LRMDA: variants seen among roughly 807,000 people sequenced by gnomAD.
The protein encoded by LRMDA is leucine rich melanocyte differentiation associated.
In LRMDA, 18 loss-of-function variants were observed where a neutral mutation model predicts 29.8. The observed-to-expected ratio is 0.60, with a 90% CI of 0.42 to 0.90. The LOEUF is 0.90. LRMDA is among the 40% of genes least tolerant of loss of function. LRMDA has a pLI of 0.00. For synonymous variants in LRMDA, 125 were observed against 109.4 expected (o/e 1.14, Z -0.89); for missense variants, 273 against 273.9 (o/e 1.00, Z 0.02).
intron 2 of LRMDA, among the ~76,000 whole-genome samples, chr10:75,897,103 C>T (rs907028626): frequency 6.6e-6 from 1 of 152,154 alleles, no homozygotes; most frequent in East Asian, 1.9e-4. Flanking sequence ...TTAGCAGACA[C>T]CCAGCCCTGT....
intron 2 of LRMDA, among the ~76,000 whole-genome samples, chr10:75,948,091 G>A (rs1227253569): frequency 6.6e-6 from 1 of 152,172 alleles, no homozygotes; most frequent in Non-Finnish European, 1.5e-5. Flanking sequence ...ATCCAGTAGA[G>A]ACCTCCCCAG....
chr10:76,407,218 T>C (rs184954073), intron 6 of LRMDA, among the ~76,000 whole-genome samples: 1 of 152,268 alleles, frequency 6.6e-6, no homozygotes, highest in East Asian at 1.9e-4. Context: ...ATACTCAAAG[T>C]TGCGGATATG....
intron 5 of LRMDA, among the ~76,000 whole-genome samples, chr10:76,064,341 C>T (rs141099294): frequency 9.1e-4 from 139 of 152,282 alleles, no homozygotes; most frequent in African/African-American, 3.2e-3. Context: ...GCGTTCTCCT[C>T]GTCACTCGGG....
intron 2 of LRMDA, among the ~76,000 whole-genome samples, chr10:75,833,019 C>T (rs1168111974): frequency 1.3e-5 from 2 of 152,160 alleles, no homozygotes; most frequent in Non-Finnish European, 2.9e-5. Context: ...AAGGTGATCA[C>T]ATATCATAGG....
intron 2 of LRMDA, among the ~76,000 whole-genome samples, chr10:75,565,412 C>T (rs926038944): frequency 6.6e-6 from 1 of 152,198 alleles, no homozygotes; most frequent in East Asian, 1.9e-4. Context: ...TGCTCTTGGC[C>T]TCTTAATTGG....
chr10:76,324,561 C>G, intron 6 of LRMDA, 76 bp downstream of exon 6: 1 of 1,305,358 alleles, frequency 7.7e-7, no homozygotes, highest in South Asian at 1.2e-5. Flanking sequence ...TGGCTCATTA[C>G]TGCTGCCTCG....
chr10:75,537,626 G>T (rs1356334768), intron 2 of LRMDA, among the ~76,000 whole-genome samples: 1 of 152,228 alleles, frequency 6.6e-6, no homozygotes, highest in Non-Finnish European at 1.5e-5. Context: ...GGACAAATGT[G>T]TAAGGGATTT....
chr10:75,616,295 A>AGTG (rs1345837082), intron 2 of LRMDA, among the ~76,000 whole-genome samples: 3 of 152,234 alleles, frequency 2.0e-5, no homozygotes, highest in Admixed American at 6.5e-5. Flanking sequence ...TAGTAGTAGT[A>AGTG]GTGGTGGTGG....
chr10:76,542,317 G>A (rs1021522229), intron 6 of LRMDA, among the ~76,000 whole-genome samples: 3 of 152,042 alleles, frequency 2.0e-5, no homozygotes, highest in African/African-American at 7.2e-5. Flanking sequence ...TGAATAATAT[G>A]GCCGCTCAAT....
chr10:75,956,429 G>C (rs1846664581), intron 2 of LRMDA, among the ~76,000 whole-genome samples: 2 of 152,124 alleles, frequency 1.3e-5, no homozygotes, highest in African/African-American at 4.8e-5. Context: ...ATTCAAATGG[G>C]GCTGGTGTCA....
intron 3 of LRMDA, among the ~76,000 whole-genome samples, chr10:76,039,962 G>C (rs181755235): frequency 6.8e-4 from 103 of 152,300 alleles, no homozygotes; most frequent in East Asian, 5.4e-3. Flanking sequence ...AGTTTAGAAT[G>C]GTTCTTTGAC....
intron 6 of LRMDA, among the ~76,000 whole-genome samples, chr10:76,550,236 T>C (rs1414585605): frequency 6.6e-6 from 1 of 152,218 alleles, no homozygotes; most frequent in Admixed American, 6.5e-5. Context: ...AATTAATGCT[T>C]TCTCAAAGAC....
At chr10:75,659,428 A>G (rs577300297) in intron 2 of LRMDA, among the ~76,000 whole-genome samples, 60 of 152,238 alleles carry the variant, frequency 3.9e-4, no homozygotes, top group African/African-American at 1.4e-3. Flanking sequence ...TGTATATTCA[A>G]GACACACAAC....
intron 5 of LRMDA, among the ~76,000 whole-genome samples, chr10:76,111,222 C>T (rs1227433237): frequency 8.5e-5 from 13 of 152,348 alleles, no homozygotes; most frequent in Non-Finnish European, 1.5e-5. Context: ...TAGCCCTTGT[C>T]ACCTTTGTGA....
chr10:76,434,032 T>G (rs2132285581), intron 6 of LRMDA, among the ~76,000 whole-genome samples: 1 of 152,318 alleles, frequency 6.6e-6, no homozygotes, highest in African/African-American at 2.4e-5. Context: ...TTTTAAAGGC[T>G]CTTTAAAAAT....
chr10:75,472,778 T>A (rs1717176181), intron 2 of LRMDA, among the ~76,000 whole-genome samples: 1 of 152,214 alleles, frequency 6.6e-6, no homozygotes, highest in Non-Finnish European at 1.5e-5. Context: ...AGGGGAAACA[T>A]CTTGAAGCTG....
chr10:75,997,535 T>C (rs113648166), intron 2 of LRMDA, among the ~76,000 whole-genome samples: 4 of 152,082 alleles, frequency 2.6e-5, no homozygotes, highest in East Asian at 3.9e-4. Flanking sequence ...AGAGATGGAA[T>C]GGCTAAGATG....
At chr10:76,063,116 T>C (rs1848729510) in intron 5 of LRMDA, among the ~76,000 whole-genome samples, 1 of 152,244 alleles carries the variant, frequency 6.6e-6, no homozygotes, top group Admixed American at 6.5e-5. Flanking sequence ...TTTACAGGCA[T>C]GTATACAAAG....
intron 2 of LRMDA, among the ~76,000 whole-genome samples, chr10:75,716,233 TAA>T (rs1842497928): frequency 6.6e-6 from 1 of 152,232 alleles, no homozygotes. Context: ...TTAGAAATGT[TAA>T]GTGACTGACA....
Sources: gnomAD v4.1 joint callset for allele counts (sites outside exome capture counted in the v4.1 genomes callset) on GRCh38, gnomAD v4.1.1 for gene constraint, MANE v1.5 for transcripts, NCBI Gene and HGNC (gene_info 2026-07-23, HGNC 2026-07-21) for gene names.